WNT6: variants seen among roughly 807,000 people sequenced by gnomAD.
WNT6 encodes Wnt family member 6, also known as protein Wnt-6.
Under a neutral mutation model 33.1 loss-of-function variants are expected in WNT6, and 27 were observed. The observed-to-expected ratio is 0.82, with a 90% CI of 0.60 to 1.12. The LOEUF (loss-of-function observed/expected upper bound fraction) is 1.12. WNT6 is among the 50% of genes most tolerant of loss of function. WNT6 has a pLI of 0.00. For missense variants in WNT6, 494 were observed against 535.3 expected (o/e 0.92, Z 0.76); for synonymous variants, 249 against 242.8 (o/e 1.03, Z -0.24).
At chr2:218,864,933 C>G (rs371825939) in intron 1 of WNT6, among the ~76,000 whole-genome samples, 6 of 152,340 alleles carry the variant, frequency 3.9e-5, no homozygotes, top group South Asian at 2.1e-4. Context: ...TCCATTCCCC[C>G]CTCCAGGCCT....
At chr2:218,870,184 G>C (rs1015215123) in intron 1 of WNT6, among the ~76,000 whole-genome samples, 5 of 150,046 alleles carry the variant, frequency 3.3e-5, no homozygotes, top group African/African-American at 1.2e-4. Flanking sequence ...GCCCGCCACT[G>C]CACTCCAGCC....
In WNT6 at chr2:218,859,983, G is replaced by C; in HGVS notation, c.-55G>C. The stretch of plus-strand genomic sequence containing the variant: ...TGAAGCCCGGGCCCTCGCGCGCCGC[G>C]GTTCGCCCCGCAGCCTCGCCCCCTG... On this transcript the variant is annotated 5_prime_UTR_variant, in exon 1 of 4. Coordinates refer to ENST00000233948, the MANE Select transcript of WNT6 (RefSeq NM_006522.4). The C allele has an allele frequency of 3.1e-6, 4 of 1,287,532 alleles. No individual in the cohort carries two copies. Among genetic ancestry groups the C allele is most frequent in the South Asian group, 2.1e-5 (1 of 46,552 alleles). The allele number at this position is 1,287,532 out of a possible 1,614,324, so 79.8% of individuals were successfully genotyped here. A position where few individuals can be genotyped will look rare whatever the true frequency, so the allele number is the denominator to read the frequency against.
chr2:218,871,541 G>A lies in WNT6; in HGVS notation c.358G>A (p.Val120Ile). 6.3e-7 allele frequency: 1 copy of A among 1,598,708 alleles called. No individual in the cohort carries two copies. The highest frequency in any genetic ancestry group is 8.5e-7 in the Non-Finnish European group (1 of 1,179,368). Reference sequence around the variant, plus strand: ...CACTGCGGCCGGCGCCAGCCACGCCGTCACGCAGGCCTGTTCTATGGGCGA... The same window carrying A: ...CACTGCGGCCGGCGCCAGCCACGCCATCACGCAGGCCTGTTCTATGGGCGA... Reference protein sequence around the residue: ...AITAAGASHAVTQACSMGELL... With the variant: ...AITAAGASHAITQACSMGELL... Residue 120 changes from valine (V) to isoleucine (I), a missense_variant, in exon 3 of 4, where the codon GTC becomes ATC. Coordinates refer to ENST00000233948, the MANE Select transcript of WNT6 (RefSeq NM_006522.4). The surrounding 1 kb of genome is among the most constrained non-coding windows in gnomAD (Gnocchi z 6.4).
At position 218,873,610 on chromosome 2, in the gene WNT6, C is replaced by T. The variant is rs1944425278; in HGVS notation, c.863C>T (p.Ala288Val). 1 of 1,566,976 alleles carries T rather than the reference C, an allele frequency of 6.4e-7. No individual in the cohort carries two copies. The highest frequency in any genetic ancestry group is 2.4e-5 in the East Asian group (1 of 41,648). Reference protein sequence around the residue: ...PPGRADLLYAADSPDFCAPNR... With the variant: ...PPGRADLLYAVDSPDFCAPNR... Reference sequence around the variant, plus strand: ...GGCCGAGCGGACCTCCTCTACGCCGCCGATTCGCCCGACTTCTGCGCCCCC... The same window carrying T: ...GGCCGAGCGGACCTCCTCTACGCCGTCGATTCGCCCGACTTCTGCGCCCCC... Residue 288 changes from alanine to valine, a missense_variant, in exon 4 of 4, where the codon GCC (alanine) becomes GTC (valine). Transcript: ENST00000233948. The surrounding 1 kb of genome is among the most constrained non-coding windows in gnomAD (Gnocchi z 6.1).
At chr2:218,868,279 C>T (rs1201153461) in intron 1 of WNT6, among the ~76,000 whole-genome samples, 1 of 152,152 alleles carries the variant, frequency 6.6e-6, no homozygotes, top group African/African-American at 2.4e-5. Context: ...CGTCTCTAGT[C>T]CCTGCGAAAC....
At chr2:218,872,932 G>A (rs1207757904) in intron 3 of WNT6, among the ~76,000 whole-genome samples, 1 of 152,126 alleles carries the variant, frequency 6.6e-6, no homozygotes, top group Admixed American at 6.5e-5. Context: ...GAGGGGTGAC[G>A]GAGACAGATG....
rs774760552 is a variant in WNT6, at chr2:218,860,106, C to G, written c.69C>G (p.Gly23=). 36 of 1,524,380 alleles carry G rather than the reference C, an allele frequency of 2.4e-5. No homozygotes were observed. In the African/African-American group the frequency reaches 4.9e-4, roughly 21 times the overall value. The allele number at this position is 1,524,380 out of a possible 1,614,324, so 94.4% of individuals were successfully genotyped here. A position where few individuals can be genotyped will look rare whatever the true frequency, so the allele number is the denominator to read the frequency against. ...TGCTCCTGTGCCCGGCGCACGTCGG[C>G]GGACTGTGGTGGTGAGTCCGGCTGT... The part of the protein sequence containing the change: ...LLLLLCPAHV[G]GLWWAVGSPL... Residue 23 remains glycine, a synonymous_variant, in exon 1 of 4, where the codon GGC becomes GGG. Coordinates refer to ENST00000233948, the MANE Select transcript of WNT6 (RefSeq NM_006522.4).
At chr2:218,860,164 AC>A (rs1418005329) in intron 1 of WNT6, 47 bp downstream of exon 1, 4 of 1,472,360 alleles carry the variant, frequency 2.7e-6, no homozygotes, top group Non-Finnish European at 2.7e-6. Flanking sequence ...GAGGGTGGGG[AC>A]CCCGGGACCC....
At chr2:218,860,247 G>A (rs972761859) in intron 1 of WNT6, 130 bp downstream of exon 1, 2 of 893,412 alleles carry the variant, frequency 2.2e-6, no homozygotes, top group African/African-American at 3.5e-5. Context: ...GGCCTCGGCC[G>A]GGGGCGTTTC....
chr2:218,871,635 C>A lies in WNT6; in HGVS notation c.452C>A (p.Thr151Asn). The change falls in exon 3 of 4, where the codon ACC becomes AAC. Residue 151 changes from threonine to asparagine, a missense_variant. By Grantham distance (65) the Thr-to-Asn change is moderately conservative. Transcript: ENST00000233948. This position sits in a 1 kb window ranked among gnomAD's most constrained non-coding sequence, Gnocchi z 6.4. ...CCCCGGCCCTCCGGCCTGCCCGGCA[C>A]CCCCGGACCCCCTGGCCCCGCGGGC... The part of the protein sequence containing the change: ...APPRPSGLPG[T>N]PGPPGPAGSP... The A allele has an allele frequency of 1.4e-6, 2 of 1,477,426 alleles. No homozygotes were observed. The highest frequency in any genetic ancestry group is 1.8e-6 in the Non-Finnish European group (2 of 1,118,542). 91.5% of individuals were successfully genotyped at this position (1,477,426 alleles called of 1,614,324 possible).
At position 218,873,923 on chromosome 2, in the gene WNT6, G is replaced by A; in HGVS notation, c.*78G>A. The A allele has an allele frequency of 7.5e-7, 1 of 1,337,148 alleles. No homozygotes were observed. Among genetic ancestry groups the A allele is most frequent in the Non-Finnish European group, 9.7e-7 (1 of 1,032,036 alleles). The allele number at this position is 1,337,148 out of a possible 1,614,324, so 82.8% of individuals were successfully genotyped here. On this transcript the variant is annotated 3_prime_UTR_variant, in exon 4 of 4. Coordinates refer to ENST00000233948, the MANE Select transcript of WNT6 (RefSeq NM_006522.4). This position sits in a 1 kb window ranked among gnomAD's most constrained non-coding sequence, Gnocchi z 6.1. The stretch of plus-strand genomic sequence containing the variant: ...GGACCTCAGGGCACCGGCACCGGGC[G>A]CCTCTCGCCGCTCGAGCCCAGCCTC...
chr2:218,874,026 C>T lies in WNT6; in HGVS notation c.*181C>T, dbSNP rs1575226691. On this transcript the variant is annotated 3_prime_UTR_variant, in exon 4 of 4. Coordinates refer to ENST00000233948, the MANE Select transcript of WNT6 (RefSeq NM_006522.4). ...TGAGAGGAACGCCCACCCACGAAGGCCCAGGGCGCCAGACGGCCCCGAAAA... is the reference window on the plus strand; with the variant it reads ...TGAGAGGAACGCCCACCCACGAAGGTCCAGGGCGCCAGACGGCCCCGAAAA... The T allele has an allele frequency of 1.4e-6, 1 of 716,990 alleles. No homozygotes were observed. The highest frequency in any genetic ancestry group is 3.2e-5 in the East Asian group (1 of 30,840). The allele number at this position is 716,990 out of a possible 1,614,324, so 44.4% of individuals were successfully genotyped here. A position where few individuals can be genotyped will look rare whatever the true frequency, so the allele number is the denominator to read the frequency against.
chr2:218,870,224 TAAAAAAA>T (rs139408257), intron 1 of WNT6, among the ~76,000 whole-genome samples: 1 of 132,952 alleles, frequency 7.5e-6, no homozygotes, highest in Non-Finnish European at 1.7e-5. Context: ...CCATCTCAAT[TAAAAAAA>T]AAAAAAAAAA....
In WNT6 at chr2:218,860,058, C is replaced by A; in HGVS notation, c.21C>A (p.Ser7=). 2 of 1,519,520 alleles carry A rather than the reference C, an allele frequency of 1.3e-6. No individual in the cohort carries two copies. Among genetic ancestry groups the A allele is most frequent in the Non-Finnish European group, 1.8e-6 (2 of 1,139,250 alleles). The allele number at this position is 1,519,520 out of a possible 1,614,324, so 94.1% of individuals were successfully genotyped here. A position where few individuals can be genotyped will look rare whatever the true frequency, so the allele number is the denominator to read the frequency against. Residue 7 remains serine (S), a synonymous_variant, in exon 1 of 4, where the codon TCC becomes TCA. Coordinates refer to ENST00000233948, the MANE Select transcript of WNT6 (RefSeq NM_006522.4). Reference sequence around the variant, plus strand: ...TCACGATGCTGCCGCCCTTACCCTCCCGCCTCGGGCTGCTGCTGCTGCTGC... The same window carrying A: ...TCACGATGCTGCCGCCCTTACCCTCACGCCTCGGGCTGCTGCTGCTGCTGC... MLPPLP[S]RLGLLLLLLL...
intron 1 of WNT6, among the ~76,000 whole-genome samples, chr2:218,869,972 C>T (rs1944386466): frequency 6.6e-6 from 1 of 152,194 alleles, no homozygotes; most frequent in African/African-American, 2.4e-5. Flanking sequence ...GTAATCCCAG[C>T]ACTTTGGGAA....
At position 218,860,069 on chromosome 2, in the gene WNT6, T is replaced by A. The variant is rs1197189059; in HGVS notation, c.32T>A (p.Leu11Gln). 3 of 1,490,056 alleles carry A rather than the reference T, an allele frequency of 2.0e-6. No individual in the cohort carries two copies. Among genetic ancestry groups the A allele is most frequent in the African/African-American group, 1.4e-5 (1 of 70,420 alleles). The allele number at this position is 1,490,056 out of a possible 1,614,324, so 92.3% of individuals were successfully genotyped here. A position where few individuals can be genotyped will look rare whatever the true frequency, so the allele number is the denominator to read the frequency against. Reference sequence around the variant, plus strand: ...CCGCCCTTACCCTCCCGCCTCGGGCTGCTGCTGCTGCTGCTCCTGTGCCCG... The same window carrying A: ...CCGCCCTTACCCTCCCGCCTCGGGCAGCTGCTGCTGCTGCTCCTGTGCCCG... Reference protein sequence around the residue: MLPPLPSRLGLLLLLLLCPAH... With the variant: MLPPLPSRLGQLLLLLLCPAH... Residue 11 changes from leucine to glutamine, a missense_variant, in exon 1 of 4, where the codon CTG becomes CAG. Physicochemically the swap from Leu to Gln is moderately radical, Grantham distance 113. Transcript: ENST00000233948.
rs1944404044 is a variant in WNT6 at position 218,871,749 on chromosome 2, C to T, written c.566C>T (p.Ala189Val). 3 of 1,602,432 alleles carry T rather than the reference C, an allele frequency of 1.9e-6. No homozygotes were observed. In the Admixed American group the frequency reaches 5.1e-5, roughly 27 times the overall value. Residue 189 changes from alanine (A) to valine (V), a missense_variant, in exon 3 of 4, where the codon GCG (alanine) becomes GTG (valine). Physicochemically the swap from Ala to Val is moderately conservative, Grantham distance 64. Coordinates refer to ENST00000233948, the MANE Select transcript of WNT6 (RefSeq NM_006522.4). This position sits in a 1 kb window ranked among gnomAD's most constrained non-coding sequence, Gnocchi z 6.4. ...GDEKSRLFMD[A>V]RHKRGRGDIR... ...GAGAAGTCGAGGCTCTTTATGGACG[C>T]GCGGCACAAGCGGGGACGCGGAGAC... is the stretch of plus-strand genomic sequence containing the variant.
In WNT6 at chr2:218,873,381, C is replaced by T. The variant is rs1206630067; in HGVS notation, c.637-3C>T. 6.5e-7 allele frequency: 1 copy of T among 1,533,572 alleles called. No homozygotes were observed. The highest frequency in any genetic ancestry group is 1.4e-5 in the African/African-American group (1 of 72,682). The allele number at this position is 1,533,572 out of a possible 1,614,324, so 95.0% of individuals were successfully genotyped here. A position where few individuals can be genotyped will look rare whatever the true frequency, so the allele number is the denominator to read the frequency against. The stretch of plus-strand genomic sequence containing the variant: ...CATGCGTCCGCCCCTCTGCCTCCCG[C>T]AGGCCGTGCGGAGCCACACGCGCAC... On this transcript the variant is annotated splice_polypyrimidine_tract_variant and splice_region_variant and intron_variant, in intron 3 of 3. Transcript: ENST00000233948. This position sits in a 1 kb window ranked among gnomAD's most constrained non-coding sequence, Gnocchi z 6.1.
At chr2:218,868,498 GGAA>G (rs943563671) in intron 1 of WNT6, among the ~76,000 whole-genome samples, 28 of 152,248 alleles carry the variant, frequency 1.8e-4, no homozygotes, top group Admixed American at 1.6e-3. Flanking sequence ...GTGGGGGTGG[GGAA>G]GATGAGCTTG....
Sources: allele counts gnomAD v4.1 joint callset (sites outside exome capture counted in the v4.1 genomes callset), GRCh38; gene constraint gnomAD v4.1.1; non-coding constraint Gnocchi (gnomAD v3.1); transcripts MANE v1.5; gene names NCBI Gene and HGNC (gene_info 2026-07-23, HGNC 2026-07-21).